The following BCAS4 variants were observed in gnomAD, a reference collection of about 807,000 sequenced individuals.
The protein encoded by BCAS4 is breast carcinoma-amplified sequence 4.
In BCAS4, 9 loss-of-function variants were observed where a neutral mutation model predicts 15.7. The observed-to-expected ratio is 0.57, with a 90% CI of 0.34 to 1.00. BCAS4 has a LOEUF of 1.00. Ranked by LOEUF, BCAS4 falls within the 50% of genes least tolerant of loss-of-function variation. BCAS4 has a pLI of 0.02. For missense variants in BCAS4, 225 were observed against 239.1 expected (o/e 0.94, Z 0.39); for synonymous variants, 101 against 99.5 (o/e 1.02, Z -0.09).
At chr20:50,809,797 G>A (rs2088038348) in intron 1 of BCAS4, among the ~76,000 whole-genome samples, 1 of 152,034 alleles carries the variant, frequency 6.6e-6, no homozygotes, top group African/African-American at 2.4e-5. Flanking sequence ...GTGTTTTGTA[G>A]TTTTCTTTGT....
intron 1 of BCAS4, among the ~76,000 whole-genome samples, chr20:50,808,127 T>C (rs979344500): frequency 3.3e-5 from 5 of 152,066 alleles, no homozygotes; most frequent in Non-Finnish European, 7.4e-5. Context: ...TTAGCCAGGA[T>C]GGTCTCGATC....
intron 1 of BCAS4, 31 bp from the exon 2 acceptor site, chr20:50,818,180 G>A: frequency 6.2e-7 from 1 of 1,600,012 alleles, no homozygotes; most frequent in Non-Finnish European, 8.6e-7. Context: ...GAAACCACTT[G>A]CTAATCTCCA....
rs567515256 is a variant in BCAS4 at position 50,835,314 on chromosome 20, G to A, written c.264+4934G>A. 9.9e-4 allele frequency among the ~76,000 whole-genome samples: 146 copies of A among 146,998 alleles called. 1 individual carries two copies. The highest frequency in any genetic ancestry group is 1.3e-3 in the South Asian group (6 of 4,698). On this transcript the variant is annotated intron_variant, in intron 3 of 4. Transcript: ENST00000371608. The stretch of plus-strand genomic sequence containing the variant: ...GGCTGGAGTGCAGTGGTGCAGTCTC[G>A]GCTCACTGCAACCTCTGCCTCCCGG...
chr20:50,799,017 A>G (rs1394495383), intron 1 of BCAS4, among the ~76,000 whole-genome samples: 1 of 152,126 alleles, frequency 6.6e-6, no homozygotes, highest in East Asian at 1.9e-4. Flanking sequence ...GGGAGGCTCC[A>G]CGCTCCCCAA....
chr20:50,817,908 G>A (rs895544975), intron 1 of BCAS4, among the ~76,000 whole-genome samples: 22 of 151,978 alleles, frequency 1.4e-4, no homozygotes, highest in African/African-American at 5.3e-4. Flanking sequence ...GAGCCTCCGT[G>A]TCCTCATCTG....
At chr20:50,816,827 C>T (rs574289277) in intron 1 of BCAS4, among the ~76,000 whole-genome samples, 25 of 78,958 alleles carry the variant, frequency 3.2e-4, no homozygotes, top group African/African-American at 1.2e-3. Context: ...TTTTTTGAGA[C>T]GGAATCTCGC....
intron 2 of BCAS4, among the ~76,000 whole-genome samples, chr20:50,818,813 C>T (rs2088174529): frequency 6.6e-6 from 1 of 152,192 alleles, no homozygotes; most frequent in Non-Finnish European, 1.5e-5. Context: ...TGGCCCAAAT[C>T]TACTAGCCTG....
Position 50,851,813 on chromosome 20 carries a change from G to A in BCAS4, c.399+9913G>A, listed in dbSNP as rs933402966. ...TTATTGTTCAAAGCCCCAGTCACAC[G>A]GTCCCACCCCTGGGAAGCCGCCTGG... On this transcript the variant is annotated intron_variant, in intron 4 of 4. Transcript: ENST00000371608. The surrounding 1 kb of genome is among the most constrained non-coding windows in gnomAD (Gnocchi z 4.3). Among the ~76,000 whole-genome samples the A allele has an allele frequency of 2.0e-5, 3 of 152,204 alleles. No individual in the cohort carries two copies. Among genetic ancestry groups the A allele is most frequent in the African/African-American group, 7.2e-5 (3 of 41,450 alleles).
At chr20:50,827,969 C>G (rs2088299189) in intron 2 of BCAS4, among the ~76,000 whole-genome samples, 1 of 152,142 alleles carries the variant, frequency 6.6e-6, no homozygotes, top group African/African-American at 2.4e-5. Flanking sequence ...CTCAGGTGAT[C>G]TGCCCACCTT....
intron 4 of BCAS4, among the ~76,000 whole-genome samples, chr20:50,845,149 C>T (rs558238037): frequency 3.3e-5 from 5 of 152,150 alleles, no homozygotes; most frequent in Admixed American, 2.0e-4. Flanking sequence ...ATGAGGAAAC[C>T]GAGTCACTGA....
In BCAS4 at chr20:50,870,964, G is replaced by C. The variant is rs140381256; in HGVS notation, c.400-5522G>C. Among the ~76,000 whole-genome samples the C allele has an allele frequency of 4.3e-3, 658 of 152,294 alleles. 7 individuals carry two copies. The highest frequency in any genetic ancestry group is 0.015 in the African/African-American group (629 of 41,574). On this transcript the variant is annotated intron_variant, in intron 4 of 4. Transcript: ENST00000371608. ...TCTTGACCTATCCTATCCCAGAGCA[G>C]AGAACATTCCTGCCTGCGGCCCGGG...
chr20:50,809,618 A>AT (rs202078777), intron 1 of BCAS4, among the ~76,000 whole-genome samples: 2,322 of 151,050 alleles, frequency 0.015, 35 homozygotes, highest in African/African-American at 0.041. Context: ...GAATTTTAGG[A>AT]TTTTTTTTTC....
intron 4 of BCAS4, among the ~76,000 whole-genome samples, chr20:50,844,129 C>A (rs1327140604): frequency 6.6e-6 from 1 of 151,804 alleles, no homozygotes; most frequent in African/African-American, 2.4e-5. Flanking sequence ...GCCTAGGTAA[C>A]AGAGTGAGGC....
At chr20:50,854,411 CT>C (rs1162116393) in intron 4 of BCAS4, among the ~76,000 whole-genome samples, 1 of 152,150 alleles carries the variant, frequency 6.6e-6, no homozygotes, top group Non-Finnish European at 1.5e-5. Context: ...GAGTGGCGTG[CT>C]TTGTTGAGTA....
At chr20:50,806,773 G>A (rs2087994715) in intron 1 of BCAS4, among the ~76,000 whole-genome samples, 1 of 151,660 alleles carries the variant, frequency 6.6e-6, no homozygotes, top group African/African-American at 2.4e-5. Context: ...TTTGATACAG[G>A]CATGCAAGGT....
intron 4 of BCAS4, among the ~76,000 whole-genome samples, chr20:50,868,813 G>A (rs562227300): frequency 6.4e-4 from 98 of 152,330 alleles, no homozygotes; most frequent in African/African-American, 2.3e-3. Flanking sequence ...TTAACAGAGG[G>A]ATCATGAGAA....
intron 1 of BCAS4, among the ~76,000 whole-genome samples, chr20:50,798,734 G>A (rs546249056): frequency 1.2e-4 from 18 of 152,142 alleles, no homozygotes; most frequent in Admixed American, 9.2e-4. Flanking sequence ...CTAGGTCTCC[G>A]TCACCCTCTG....
At chr20:50,823,971 G>A (rs1379628120) in intron 2 of BCAS4, among the ~76,000 whole-genome samples, 1 of 152,070 alleles carries the variant, frequency 6.6e-6, no homozygotes, top group Admixed American at 6.6e-5. Context: ...GCTGAGCACA[G>A]TGCTATTTAT....
chr20:50,813,895 T>C (rs1692726931), intron 1 of BCAS4, among the ~76,000 whole-genome samples: 1 of 151,238 alleles, frequency 6.6e-6, no homozygotes, highest in South Asian at 2.1e-4. Context: ...TCACTTAAAG[T>C]GAGCCTCTCG....
Sources: allele counts gnomAD v4.1 joint callset (sites outside exome capture counted in the v4.1 genomes callset), GRCh38; gene constraint gnomAD v4.1.1; non-coding constraint Gnocchi (gnomAD v3.1); transcripts MANE v1.5; gene names NCBI Gene and HGNC (gene_info 2026-07-23, HGNC 2026-07-21).